KIAA2012: variants seen among roughly 807,000 people sequenced by gnomAD.
The protein encoded by KIAA2012 is uncharacterized protein KIAA2012.
In KIAA2012, 125 loss-of-function variants were observed where a neutral mutation model predicts 150.6. That is an observed-to-expected ratio of 0.83 (90% CI 0.72 to 0.96). The LOEUF is 0.96. Among genes scored for constraint, KIAA2012 ranks in the 40% least tolerant of loss-of-function variants. KIAA2012 has a pLI of 0.00. For synonymous variants in KIAA2012, 462 were observed against 504.7 expected, an observed-to-expected ratio of 0.92 and a Z score of 1.13; for missense variants, 1,219 against 1,354.9, an observed-to-expected ratio of 0.90 and a Z score of 1.57.
intron 4 of KIAA2012, among the ~76,000 whole-genome samples, chr2:202,095,024 G>A (rs1689830375): frequency 6.6e-6 from 1 of 152,142 alleles, no homozygotes; most frequent in South Asian, 2.1e-4. Flanking sequence ...TTATAAAATG[G>A]AGATGACCAT....
chr2:202,090,708 C>CT, intron 2 of KIAA2012, 62 bp from the exon 3 acceptor site: 1 of 1,475,790 alleles, frequency 6.8e-7, no homozygotes, highest in Admixed American at 2.3e-5. Context: ...GCTAACCAGC[C>CT]TGTATCACTG....
intron 2 of KIAA2012, among the ~76,000 whole-genome samples, chr2:202,078,098 T>G (rs1490461425): frequency 6.6e-6 from 1 of 152,208 alleles, no homozygotes; most frequent in Non-Finnish European, 1.5e-5. Context: ...CATAATCAGA[T>G]GTATGTTCAA....
chr2:202,111,509 CAAAAAAAAAA>C (rs71025277), intron 10 of KIAA2012, among the ~76,000 whole-genome samples: 1 of 57,628 alleles, frequency 1.7e-5, no homozygotes, highest in South Asian at 5.0e-4. Flanking sequence ...GACTCTGTCT[CAAAAAAAAAA>C]AAAAAAAAAA....
At chr2:202,199,457 AT>A (rs1222752112) in intron 22 of KIAA2012, among the ~76,000 whole-genome samples, 6 of 151,644 alleles carry the variant, frequency 4.0e-5, no homozygotes, top group Admixed American at 2.6e-4. Context: ...TGTATTTTTT[AT>A]TTTTTTTATT....
Position 202,103,172 on chromosome 2 carries a change from A to T in KIAA2012, c.1324+58A>T. The T allele has an allele frequency of 2.7e-6, 4 of 1,493,890 alleles. No individual in the cohort carries two copies. The South Asian group carries it at 5.0e-5, about 19-fold the overall frequency. 92.5% of individuals were successfully genotyped at this position (1,493,890 alleles called of 1,614,324 possible). On this transcript the variant is annotated intron_variant, in intron 8 of 23. Transcript: ENST00000498697. ...AGAGCCTGGGATGGGGGGTCCTGCC[A>T]CTTCTACATGCTCCTACATCATGGC...
chr2:202,196,417 A>G (rs980776631), intron 21 of KIAA2012, among the ~76,000 whole-genome samples: 4 of 150,904 alleles, frequency 2.7e-5, no homozygotes, highest in African/African-American at 4.9e-5. Context: ...GGATGGTCTC[A>G]ATCTCCTGAC....
At chr2:202,197,349 T>C in intron 22 of KIAA2012, 1 of 351,774 alleles carries the variant, frequency 2.8e-6, no homozygotes, top group African/African-American at 2.1e-5. Context: ...AGACCAGATC[T>C]AAGACCCCCT....
chr2:202,142,926 G>A (rs371285404), intron 13 of KIAA2012, among the ~76,000 whole-genome samples: 15 of 151,028 alleles, frequency 9.9e-5, no homozygotes, highest in African/African-American at 3.6e-4. Flanking sequence ...TTGTTGTGGG[G>A]AACTTTCCTG....
chr2:202,198,011 TAAA>T (rs1692444480), intron 22 of KIAA2012: 1 of 150,708 alleles, frequency 6.6e-6, no homozygotes, highest in Non-Finnish European at 1.5e-5. Context: ...TCATCTCTAC[TAAA>T]AATACAAAAA....
intron 14 of KIAA2012, among the ~76,000 whole-genome samples, chr2:202,160,488 T>C (rs1031319542): frequency 3.9e-5 from 6 of 152,040 alleles, no homozygotes; most frequent in South Asian, 2.1e-4. Flanking sequence ...TGATTTTTTA[T>C]ATTTTTAGTA....
At chr2:202,163,178 A>T (rs1691692955) in intron 14 of KIAA2012, among the ~76,000 whole-genome samples, 1 of 149,568 alleles carries the variant, frequency 6.7e-6, no homozygotes, top group African/African-American at 2.5e-5. Flanking sequence ...ATCTCAGCTA[A>T]CTGCAACCTC....
rs1691735545 is a variant in KIAA2012, at chr2:202,165,365, C to A, written c.2119+9C>A. On this transcript the variant is annotated intron_variant, in intron 15 of 23. Coordinates refer to ENST00000498697, the MANE Select transcript of KIAA2012 (RefSeq NM_001277372.4). ...TCACCACAACGACCAAGGTACAGAC[C>A]ACTAGGTGGGGCTTTATAATCTTAT... 6.5e-7 allele frequency: 1 copy of A among 1,548,678 alleles called. No homozygotes were observed. Among genetic ancestry groups the A allele is most frequent in the South Asian group, 1.2e-5 (1 of 84,044 alleles).
At chr2:202,126,617 A>ATGGTGGTGGTGGTGGTGGTGG (rs60119764) in intron 12 of KIAA2012, among the ~76,000 whole-genome samples, 2 of 146,252 alleles carry the variant, frequency 1.4e-5, no homozygotes, top group Non-Finnish European at 3.0e-5. Flanking sequence ...AATGATGATG[A>ATGGTGGTGGTGGTGGTGGTGG]TGGTGGTGGT....
At chr2:202,195,849 G>C (rs1366934771) in intron 21 of KIAA2012, among the ~76,000 whole-genome samples, 2 of 152,182 alleles carry the variant, frequency 1.3e-5, no homozygotes, top group Non-Finnish European at 2.9e-5. Flanking sequence ...TGTCATAAAA[G>C]ACAGAATTTC....
At chr2:202,195,693 C>T (rs948327985) in intron 21 of KIAA2012, among the ~76,000 whole-genome samples, 6 of 152,202 alleles carry the variant, frequency 3.9e-5, no homozygotes, top group Non-Finnish European at 8.8e-5. Flanking sequence ...AACCCCCTAC[C>T]CTTCCCTGCC....
intron 3 of KIAA2012, among the ~76,000 whole-genome samples, chr2:202,092,360 C>A (rs562078253): frequency 2.6e-5 from 4 of 152,220 alleles, no homozygotes; most frequent in Admixed American, 1.3e-4. Flanking sequence ...TGTACATATT[C>A]TCTTGGATTT....
chr2:202,178,926 G>C (rs1487947316), intron 15 of KIAA2012: 2 of 218,352 alleles, frequency 9.2e-6, no homozygotes, highest in Non-Finnish European at 1.8e-5. Context: ...TTGAAAAACA[G>C]ATTAACTGTA....
intron 2 of KIAA2012, among the ~76,000 whole-genome samples, chr2:202,077,288 G>A (rs934436012): frequency 6.6e-6 from 1 of 152,166 alleles, no homozygotes; most frequent in Non-Finnish European, 1.5e-5. Context: ...TGGACACTGA[G>A]TGATATATAG....
Position 202,090,932 on chromosome 2 carries a change from C to T in KIAA2012, c.529+3C>T, listed in dbSNP as rs1014449478. 6.5e-7 allele frequency: 1 copy of T among 1,539,944 alleles called. No homozygotes were observed. Among genetic ancestry groups the T allele is most frequent in the African/African-American group, 1.4e-5 (1 of 72,838 alleles). On this transcript the variant is annotated splice_donor_region_variant and intron_variant, in intron 3 of 23. Coordinates refer to ENST00000498697, the MANE Select transcript of KIAA2012 (RefSeq NM_001277372.4). ...CATGTATAGGCTCTGGTGCGCAGGT[C>T]AGTGGGGAAATGGGAGGGGGGCACA...
Sources: gnomAD v4.1 joint callset for allele counts (sites outside exome capture counted in the v4.1 genomes callset) on GRCh38, gnomAD v4.1.1 for gene constraint, MANE v1.5 for transcripts, NCBI Gene and HGNC (gene_info 2026-07-23, HGNC 2026-07-21) for gene names.